The following MGAM2 variants were observed in gnomAD, a reference collection of about 807,000 sequenced individuals.
MGAM2 encodes the protein probable maltase-glucoamylase 2.
Under a neutral mutation model 96.1 loss-of-function variants are expected in MGAM2, and 98 were observed. That is an observed-to-expected ratio of 1.02 (90% CI 0.87 to 1.21). MGAM2 has a LOEUF of 1.21. Among genes scored for constraint, MGAM2 ranks in the 50% most tolerant of loss-of-function variants. The pLI, the probability that MGAM2 is intolerant of heterozygous loss-of-function variation, is 0.00. For synonymous variants in MGAM2, 749 were observed against 414.8 expected (o/e 1.81, Z -9.79); for missense variants, 2,055 against 1,182.4 (o/e 1.74, Z -10.82).
chr7:142,166,945 C>T (rs1438612260), intron 25 of MGAM2, among the ~76,000 whole-genome samples: 1 of 152,082 alleles, frequency 6.6e-6, no homozygotes, highest in African/African-American at 2.4e-5. Context: ...ATGCATCATC[C>T]CACTCTCTGT....
intron 3 of MGAM2, among the ~76,000 whole-genome samples, chr7:142,127,617 C>T (rs1015990688): frequency 7.9e-5 from 12 of 152,042 alleles, no homozygotes; most frequent in South Asian, 4.1e-4. Context: ...ATAATTGAAT[C>T]ATGGGGCACT....
intron 40 of MGAM2, 102 bp downstream of exon 40, chr7:142,196,918 A>G (rs2129100131): frequency 1.6e-6 from 1 of 623,040 alleles, no homozygotes; most frequent in Admixed American, 2.7e-5. Context: ...AAATCAAAAA[A>G]CATCACCAGA....
Position 142,148,595 on chromosome 7 carries a change from T to C in MGAM2, c.1634+1022T>C, listed in dbSNP as rs944082354. Among the ~76,000 whole-genome samples, 3 of 152,230 alleles carry C rather than the reference T, an allele frequency of 2.0e-5. No individual in the cohort carries two copies. The highest frequency in any genetic ancestry group is 2.0e-4 in the Admixed American group (3 of 15,286). ...AATAACTCCTCTTCTCACTGTGTAG[T>C]TTCTTCTGTGGAAGATGGTACAATA... is the stretch of plus-strand genomic sequence containing the variant. On this transcript the variant is annotated intron_variant, in intron 15 of 47. Transcript: ENST00000477922. The surrounding 1 kb of genome is among the most constrained non-coding windows in gnomAD (Gnocchi z 4.2).
chr7:142,177,254 G>A (rs992837217), intron 32 of MGAM2, among the ~76,000 whole-genome samples: 1 of 152,178 alleles, frequency 6.6e-6, no homozygotes, highest in Admixed American at 6.5e-5. Context: ...GACAAGAGAA[G>A]AGAGTTTGTT....
intron 37 of MGAM2, among the ~76,000 whole-genome samples, chr7:142,191,032 G>A (rs559047369): frequency 1.3e-5 from 2 of 152,112 alleles, no homozygotes; most frequent in East Asian, 3.9e-4. Flanking sequence ...CTACTCGAGA[G>A]GCTAAGGTAG....
At chr7:142,152,063 A>G (rs1421431057) in intron 15 of MGAM2, among the ~76,000 whole-genome samples, 4 of 152,180 alleles carry the variant, frequency 2.6e-5, no homozygotes, top group Non-Finnish European at 5.9e-5. Flanking sequence ...AGAGTCTTTC[A>G]GTGATCACAA....
chr7:142,143,932 A>G, intron 13 of MGAM2, 50 bp downstream of exon 13: 2 of 699,598 alleles, frequency 2.9e-6, no homozygotes, highest in Non-Finnish European at 5.2e-6. Flanking sequence ...GATAACGCCA[A>G]ATTTTCAGAT....
chr7:142,127,727 G>A (rs1794768417), intron 3 of MGAM2, among the ~76,000 whole-genome samples: 1 of 152,208 alleles, frequency 6.6e-6, no homozygotes, highest in Non-Finnish European at 1.5e-5. Flanking sequence ...CTGCCGCCAT[G>A]TAAGACATCC....
At chr7:142,190,858 G>A (rs1458261607) in intron 37 of MGAM2, among the ~76,000 whole-genome samples, 2 of 151,900 alleles carry the variant, frequency 1.3e-5, no homozygotes, top group East Asian at 3.9e-4. Context: ...GTTGTGGCCA[G>A]GCGTGGTGGC....
chr7:142,172,305 A>G (rs982707437), intron 29 of MGAM2, 111 bp downstream of exon 29: 2 of 556,342 alleles, frequency 3.6e-6, no homozygotes, highest in East Asian at 2.9e-5. Context: ...AAATGGAACA[A>G]ATAAACTGAC....
intron 27 of MGAM2, among the ~76,000 whole-genome samples, chr7:142,170,653 C>G (rs1224072023): frequency 6.6e-6 from 1 of 152,098 alleles, no homozygotes; most frequent in Non-Finnish European, 1.5e-5. Flanking sequence ...GACACAGAAG[C>G]CTTCAAGCCT....
intron 3 of MGAM2, among the ~76,000 whole-genome samples, chr7:142,123,984 T>A (rs999168057): frequency 6.3e-4 from 92 of 145,968 alleles, no homozygotes; most frequent in East Asian, 2.7e-3. Context: ...TTTTTTTTTT[T>A]TTTTTTGAGA....
intron 15 of MGAM2, among the ~76,000 whole-genome samples, chr7:142,150,280 A>C (rs1323927523): frequency 1.3e-5 from 2 of 152,304 alleles, no homozygotes; most frequent in East Asian, 1.9e-4. Context: ...TAGCAACAGC[A>C]TCCCTATATC....
Position 142,197,568 on chromosome 7 carries a change from C to G in MGAM2, c.4781+20C>G, listed in dbSNP as rs909486086. 5.7e-6 allele frequency: 4 copies of G among 702,976 alleles called. No homozygotes were observed. The highest frequency in any genetic ancestry group is 1.0e-5 in the Non-Finnish European group (4 of 384,976). 43.5% of individuals were successfully genotyped at this position (702,976 alleles called of 1,614,324 possible). A position where few individuals can be genotyped will look rare whatever the true frequency, so the allele number is the denominator to read the frequency against. ...CCATGAGTGAGTACAGCCTCTTTCCCCAAGCATGTCTTGCAAATAATCCTC... is the reference window on the plus strand; with the variant it reads ...CCATGAGTGAGTACAGCCTCTTTCCGCAAGCATGTCTTGCAAATAATCCTC... On this transcript the variant is annotated intron_variant, in intron 41 of 47. Coordinates refer to ENST00000477922, the MANE Select transcript of MGAM2 (RefSeq NM_001293626.2).
Position 142,196,169 on chromosome 7 carries a change from G to A in MGAM2, c.4362G>A (p.Val1454=), listed in dbSNP as rs1316103976. Residue 1454 remains valine (V), a synonymous_variant, in exon 38 of 48, where the codon GTG becomes GTA. Transcript: ENST00000477922. ...TRPTYEAVQE[V]TGQRGVIITR... ...CTCCCACCAGAGCTGTGCAGGAGGT[G>A]ACAGGACAGCGAGGGGTCATCATCA... 2 of 1,187,606 alleles carry A rather than the reference G, an allele frequency of 1.7e-6. No homozygotes were observed. The highest frequency in any genetic ancestry group is 2.5e-6 in the Non-Finnish European group (2 of 813,792). The allele number at this position is 1,187,606 out of a possible 1,614,324, so 73.6% of individuals were successfully genotyped here. A position where few individuals can be genotyped will look rare whatever the true frequency, so the allele number is the denominator to read the frequency against.
In MGAM2 at chr7:142,185,909, C is replaced by G. The variant is rs572806676; in HGVS notation, c.3988-80C>G. 905 of 654,494 alleles carry G rather than the reference C, an allele frequency of 1.4e-3. 15 individuals are homozygous for G. Among genetic ancestry groups the G allele is most frequent in the South Asian group, 0.014 (824 of 59,654 alleles). The allele number at this position is 654,494 out of a possible 1,614,324, so 40.5% of individuals were successfully genotyped here. On this transcript the variant is annotated intron_variant, in intron 34 of 47. Transcript: ENST00000477922. Reference sequence around the variant, plus strand: ...GAGCAGAGACTGATCTGGGCAGGCACAAATTCCTGTTCATCTCCCATTTGT... The same window carrying G: ...GAGCAGAGACTGATCTGGGCAGGCAGAAATTCCTGTTCATCTCCCATTTGT...
intron 15 of MGAM2, 144 bp downstream of exon 15, chr7:142,147,717 TAA>T: frequency 1.8e-6 from 1 of 552,532 alleles, no homozygotes; most frequent in Non-Finnish European, 3.2e-6. Flanking sequence ...ACAGAGTATT[TAA>T]GAGTTCCTCT....
chr7:142,199,081 G>A (rs1247766143), intron 44 of MGAM2, among the ~76,000 whole-genome samples: 3 of 152,190 alleles, frequency 2.0e-5, no homozygotes, highest in African/African-American at 7.2e-5. Flanking sequence ...ACAAGAACTA[G>A]GTAGGACTGA....
At chr7:142,175,533 G>A (rs1407053915) in intron 31 of MGAM2, 119 bp from the exon 32 acceptor site, 1 of 615,768 alleles carries the variant, frequency 1.6e-6, no homozygotes, top group Non-Finnish European at 2.9e-6. Flanking sequence ...GATGAGGAAT[G>A]AAGAGGGGCC....
Sources: gnomAD v4.1 joint callset for allele counts (sites outside exome capture counted in the v4.1 genomes callset) on GRCh38, gnomAD v4.1.1 for gene constraint, Gnocchi (gnomAD v3.1) non-coding constraint, MANE v1.5 for transcripts, NCBI Gene and HGNC (gene_info 2026-07-23, HGNC 2026-07-21) for gene names.